TAFA1: variants seen among roughly 807,000 people sequenced by gnomAD.
TAFA1 encodes the protein TAFA chemokine like family member 1, also known as chemokine-like protein TAFA-1.
Under a neutral mutation model 18.5 loss-of-function variants are expected in TAFA1, and 4 were observed. That is an observed-to-expected ratio of 0.22 (90% confidence interval 0.11 to 0.49). TAFA1 has a LOEUF of 0.49. Among genes scored for constraint, TAFA1 ranks in the 20% least tolerant of loss-of-function variants. TAFA1 has a pLI of 0.98. For missense variants in TAFA1, 147 were observed against 169.0 expected (o/e 0.87, Z 0.72); for synonymous variants, 56 against 55.2 (o/e 1.01, Z -0.06).
chr3:68,379,182 G>T (rs1160386862), intron 2 of TAFA1, among the ~76,000 whole-genome samples: 2 of 151,964 alleles, frequency 1.3e-5, no homozygotes, highest in Non-Finnish European at 2.9e-5. Flanking sequence ...GTTATTTTTT[G>T]ACTTTTTAAT....
At chr3:68,111,583 A>G (rs2065262311) in intron 2 of TAFA1, among the ~76,000 whole-genome samples, 1 of 152,138 alleles carries the variant, frequency 6.6e-6, no homozygotes, top group Non-Finnish European at 1.5e-5. Context: ...CATCAGATTA[A>G]TTGTGCAAAA....
chr3:68,277,180 T>C (rs528026453), intron 2 of TAFA1, among the ~76,000 whole-genome samples: 10 of 152,326 alleles, frequency 6.6e-5, no homozygotes, highest in Admixed American at 2.6e-4. Flanking sequence ...TCCACCTTTA[T>C]TCATACCAGA....
chr3:68,012,206 T>C (rs1272764860), intron 2 of TAFA1, among the ~76,000 whole-genome samples: 1 of 152,204 alleles, frequency 6.6e-6, no homozygotes, highest in African/African-American at 2.4e-5. Flanking sequence ...TCCCAAGATG[T>C]AAAATGTGCA....
At chr3:68,208,002 C>T (rs926087717) in intron 2 of TAFA1, among the ~76,000 whole-genome samples, 1 of 151,906 alleles carries the variant, frequency 6.6e-6, no homozygotes, top group Non-Finnish European at 1.5e-5. Flanking sequence ...GACTTAGAAA[C>T]AGGAAGACCC....
chr3:68,391,829 C>T (rs1030790745), intron 2 of TAFA1, among the ~76,000 whole-genome samples: 4 of 152,080 alleles, frequency 2.6e-5, no homozygotes. Flanking sequence ...TTGTCACCAC[C>T]AGGCCTGCCA....
intron 2 of TAFA1, among the ~76,000 whole-genome samples, chr3:68,164,661 G>GTGTGTGT (rs57966288): frequency 2.0e-5 from 3 of 151,020 alleles, no homozygotes; most frequent in Middle Eastern, 3.2e-3. Context: ...GTGTGTGTGT[G>GTGTGTGT]GGAGGTAGTT....
intron 2 of TAFA1, among the ~76,000 whole-genome samples, chr3:68,282,040 C>T (rs992210294): frequency 2.0e-5 from 3 of 152,110 alleles, no homozygotes; most frequent in Non-Finnish European, 2.9e-5. Flanking sequence ...ACATGTCCTT[C>T]TTCACAAGGT....
chr3:68,335,939 C>T (rs1227631404), intron 2 of TAFA1, among the ~76,000 whole-genome samples: 5 of 152,202 alleles, frequency 3.3e-5, no homozygotes, highest in Non-Finnish European at 5.9e-5. Context: ...CCAGCACACT[C>T]CTTTCAACAT....
intron 3 of TAFA1, among the ~76,000 whole-genome samples, chr3:68,487,657 C>T (rs1307114227): frequency 6.7e-6 from 1 of 150,184 alleles, no homozygotes; most frequent in East Asian, 2.0e-4. Context: ...GAGGGTGAGG[C>T]AGGAGAACGG....
At chr3:68,292,424 C>CAAAA (rs567559598) in intron 2 of TAFA1, among the ~76,000 whole-genome samples, 14 of 141,200 alleles carry the variant, frequency 9.9e-5, no homozygotes, top group African/African-American at 3.4e-4. Context: ...AAAAAAAAAA[C>CAAAA]AAAAAAAAAA....
chr3:68,376,911 G>A (rs1439262394), intron 2 of TAFA1, among the ~76,000 whole-genome samples: 1 of 152,048 alleles, frequency 6.6e-6, no homozygotes, highest in East Asian at 1.9e-4. Context: ...GTTCTCATGA[G>A]GTCTGATGGT....
At chr3:68,183,706 G>A (rs1017784181) in intron 2 of TAFA1, among the ~76,000 whole-genome samples, 1 of 152,110 alleles carries the variant, frequency 6.6e-6, no homozygotes, top group African/African-American at 2.4e-5. Context: ...CCTGTGTGGT[G>A]ATTTCCAACC....
intron 2 of TAFA1, among the ~76,000 whole-genome samples, chr3:68,349,848 C>A (rs772516003): frequency 6.6e-6 from 1 of 152,026 alleles, no homozygotes; most frequent in Non-Finnish European, 1.5e-5. Flanking sequence ...GAAGGGAGCC[C>A]AGAAGATCAG....
intron 3 of TAFA1, among the ~76,000 whole-genome samples, chr3:68,519,961 T>G (rs928427924): frequency 4.6e-5 from 7 of 152,190 alleles, no homozygotes; most frequent in African/African-American, 1.7e-4. Context: ...AAGAAGAGTT[T>G]CATAATGAGA....
At chr3:68,469,527 G>T (rs1380163636) in intron 3 of TAFA1, among the ~76,000 whole-genome samples, 1 of 152,090 alleles carries the variant, frequency 6.6e-6, no homozygotes, top group Non-Finnish European at 1.5e-5. Context: ...ACAAAAATTA[G>T]CTGGGCGTGG....
chr3:68,095,107 A>G (rs1244303445), intron 2 of TAFA1, among the ~76,000 whole-genome samples: 1 of 152,140 alleles, frequency 6.6e-6, no homozygotes, highest in Non-Finnish European at 1.5e-5. Flanking sequence ...TCTTCCAGCC[A>G]GAGAGATCTG....
chr3:68,017,275 G>C (rs937771448), intron 2 of TAFA1, among the ~76,000 whole-genome samples: 2 of 152,162 alleles, frequency 1.3e-5, no homozygotes, highest in South Asian at 2.1e-4. Context: ...TACTGGACAG[G>C]TGCTTGAGAA....
chr3:68,135,629 C>A (rs1222454284), intron 2 of TAFA1, among the ~76,000 whole-genome samples: 1 of 152,204 alleles, frequency 6.6e-6, no homozygotes, highest in Admixed American at 6.5e-5. Flanking sequence ...TAGCCTTGTG[C>A]TTGTAATACA....
At chr3:68,454,023 C>G (rs757272404) in intron 3 of TAFA1, among the ~76,000 whole-genome samples, 3 of 152,160 alleles carry the variant, frequency 2.0e-5, no homozygotes, top group Non-Finnish European at 4.4e-5. Flanking sequence ...AGCAGGTTAA[C>G]AGATGTTCTG....
Sources: allele counts gnomAD v4.1 joint callset (sites outside exome capture counted in the v4.1 genomes callset), GRCh38; gene constraint gnomAD v4.1.1; transcripts MANE v1.5; gene names NCBI Gene and HGNC (gene_info 2026-07-23, HGNC 2026-07-21).